PLGRKT: variants seen among roughly 807,000 people sequenced by gnomAD.
PLGRKT encodes the protein plasminogen receptor with a C-terminal lysine, also known as plasminogen receptor (KT).
PLGRKT carries 22 observed loss-of-function variants against 18.5 expected under a neutral mutation model. That is an observed-to-expected ratio of 1.19 (90% CI 0.85 to 1.70). The LOEUF is 1.70. PLGRKT is among the 40% of genes most tolerant of loss of function. The pLI is 0.00. For missense variants in PLGRKT, 235 were observed against 174.4 expected (o/e 1.35, Z -1.96); for synonymous variants, 72 against 52.8 (o/e 1.36, Z -1.58).
intron 3 of PLGRKT, among the ~76,000 whole-genome samples, chr9:5,370,704 T>C (rs1346413434): frequency 4.6e-5 from 7 of 152,258 alleles, no homozygotes; most frequent in Admixed American, 3.9e-4. Context: ...TATTTATCTA[T>C]GCCTTTGTTA....
chr9:5,410,864 G>T (rs1396654168), intron 3 of PLGRKT, among the ~76,000 whole-genome samples: 1 of 152,006 alleles, frequency 6.6e-6, no homozygotes, highest in Non-Finnish European at 1.5e-5. Context: ...TTAAAGCACA[G>T]CCTTTTACCT....
At position 5,359,069 on chromosome 9, in the gene PLGRKT, T is replaced by A. The variant is rs9785199; in HGVS notation, c.323-709A>T. ...CTCTTTTAACACACTATTTTATTTT[T>A]TTTTTTTTTTTGAGACAGTGTCTAG... On this transcript the variant is annotated intron_variant, in intron 5 of 5. Coordinates refer to ENST00000223864, the MANE Select transcript of PLGRKT (RefSeq NM_018465.4). 1.7e-3 allele frequency among the ~76,000 whole-genome samples: 237 copies of A among 141,924 alleles called. 1 individual carries two copies. The highest frequency in any genetic ancestry group is 6.3e-3 in the South Asian group (30 of 4,754). 93.1% of individuals were successfully genotyped at this position (141,924 alleles called of 152,430 possible). A position where few individuals can be genotyped will look rare whatever the true frequency, so the allele number is the denominator to read the frequency against.
chr9:5,388,470 T>C (rs970818919), intron 3 of PLGRKT, among the ~76,000 whole-genome samples: 1 of 152,012 alleles, frequency 6.6e-6, no homozygotes, highest in South Asian at 2.1e-4. Context: ...AAAATCTATA[T>C]AAACTCACTA....
At chr9:5,422,243 G>A (rs1818591970) in intron 3 of PLGRKT, among the ~76,000 whole-genome samples, 1 of 152,154 alleles carries the variant, frequency 6.6e-6, no homozygotes, top group South Asian at 2.1e-4. Context: ...GGGTAGATCA[G>A]GTCGATATGA....
At chr9:5,406,718 C>T (rs775658821) in intron 3 of PLGRKT, among the ~76,000 whole-genome samples, 1 of 151,956 alleles carries the variant, frequency 6.6e-6, no homozygotes, top group Non-Finnish European at 1.5e-5. Context: ...ACACGTTTGC[C>T]TATGTAACAA....
chr9:5,367,444 C>G (rs940076869), intron 3 of PLGRKT, among the ~76,000 whole-genome samples: 20 of 152,270 alleles, frequency 1.3e-4, no homozygotes, highest in African/African-American at 4.8e-4. Flanking sequence ...CACATACCTA[C>G]AACCATCTGA....
rs548794414 is a variant in PLGRKT, at chr9:5,386,591, A to T, written c.82-24703T>A. Among the ~76,000 whole-genome samples the T allele has an allele frequency of 2.0e-5, 3 of 152,006 alleles. 1 individual carries two copies. The highest frequency in any genetic ancestry group is 7.3e-5 in the African/African-American group (3 of 41,262). On this transcript the variant is annotated intron_variant, in intron 3 of 5. Coordinates refer to ENST00000223864, the MANE Select transcript of PLGRKT (RefSeq NM_018465.4). Reference sequence around the variant, plus strand: ...ATTAAAGAGGCCATATAATCAACACAGGCACTATAGAGGCCAAAGAGAAAT... The same window carrying T: ...ATTAAAGAGGCCATATAATCAACACTGGCACTATAGAGGCCAAAGAGAAAT...
intron 3 of PLGRKT, among the ~76,000 whole-genome samples, chr9:5,383,293 G>C (rs1817780855): frequency 6.6e-6 from 1 of 152,310 alleles, no homozygotes; most frequent in Admixed American, 6.5e-5. Context: ...CCAGAACTGT[G>C]AAATAATCAT....
chr9:5,384,972 G>A (rs1320812853), intron 3 of PLGRKT, among the ~76,000 whole-genome samples: 1 of 152,080 alleles, frequency 6.6e-6, no homozygotes, highest in Non-Finnish European at 1.5e-5. Context: ...TTTAACAAGA[G>A]CAACAGCCAA....
intron 3 of PLGRKT, among the ~76,000 whole-genome samples, chr9:5,384,523 G>T (rs1246925344): frequency 6.6e-6 from 1 of 151,972 alleles, no homozygotes; most frequent in Non-Finnish European, 1.5e-5. Flanking sequence ...GTACTCAGAA[G>T]GTAAAGTCAA....
intron 3 of PLGRKT, among the ~76,000 whole-genome samples, chr9:5,430,091 A>G (rs1366809656): frequency 2.0e-5 from 3 of 152,028 alleles, no homozygotes; most frequent in Non-Finnish European, 4.4e-5. Flanking sequence ...CATCTTTGTC[A>G]CCTCGGTGAG....
At chr9:5,401,655 T>A (rs527518112) in intron 3 of PLGRKT, among the ~76,000 whole-genome samples, 1 of 151,920 alleles carries the variant, frequency 6.6e-6, no homozygotes, top group African/African-American at 2.4e-5. Context: ...TTTTTTACTT[T>A]CGTTTGATGT....
chr9:5,435,870 C>T (rs1039471806), intron 2 of PLGRKT, among the ~76,000 whole-genome samples: 2 of 152,186 alleles, frequency 1.3e-5, no homozygotes, highest in African/African-American at 2.4e-5. Context: ...TGTGGGAAGC[C>T]CAGCTAATGG....
intron 3 of PLGRKT, among the ~76,000 whole-genome samples, chr9:5,376,286 C>A (rs893280896): frequency 6.6e-6 from 1 of 152,092 alleles, no homozygotes; most frequent in African/African-American, 2.4e-5. Flanking sequence ...GATGTTTGCA[C>A]AAGGCAGCAC....
chr9:5,425,541 T>C (rs928837139), intron 3 of PLGRKT, among the ~76,000 whole-genome samples: 1 of 152,214 alleles, frequency 6.6e-6, no homozygotes, highest in South Asian at 2.1e-4. Flanking sequence ...TTATAGATTA[T>C]ATTAAATCAC....
chr9:5,394,506 G>A (rs565887791), intron 3 of PLGRKT, among the ~76,000 whole-genome samples: 5 of 151,826 alleles, frequency 3.3e-5, no homozygotes, highest in South Asian at 2.1e-4. Context: ...TCCGCCTCCC[G>A]GGTTCAAGCA....
At chr9:5,410,641 T>C (rs1263952277) in intron 3 of PLGRKT, among the ~76,000 whole-genome samples, 1 of 152,250 alleles carries the variant, frequency 6.6e-6, no homozygotes, top group Non-Finnish European at 1.5e-5. Flanking sequence ...TATGCTTCTC[T>C]ATAAAAAATG....
intron 3 of PLGRKT, among the ~76,000 whole-genome samples, chr9:5,387,571 A>C (rs114774665): frequency 0.019 from 2,864 of 151,966 alleles, 147 homozygotes; most frequent in African/African-American, 0.066. Flanking sequence ...ATAGTCCCAT[A>C]TATAAGGAGC....
At chr9:5,412,185 C>G (rs186123091) in intron 3 of PLGRKT, among the ~76,000 whole-genome samples, 232 of 152,282 alleles carry the variant, frequency 1.5e-3, no homozygotes, top group Middle Eastern at 6.8e-3. Context: ...CAGGTAGTAT[C>G]TCAACTCACT....
Sources: gnomAD v4.1 joint callset for allele counts (sites outside exome capture counted in the v4.1 genomes callset) on GRCh38, gnomAD v4.1.1 for gene constraint, MANE v1.5 for transcripts, NCBI Gene and HGNC (gene_info 2026-07-23, HGNC 2026-07-21) for gene names.